Variants in MICAL3 observed in about 807,000 individuals in gnomAD.
MICAL3 encodes [F-actin]-monooxygenase MICAL3.
MICAL3 carries 62 observed loss-of-function variants against 207.4 expected under a neutral mutation model. The observed-to-expected ratio is 0.30, with a 90% CI of 0.24 to 0.37. MICAL3 has a LOEUF of 0.37. MICAL3 is among the 10% of genes least tolerant of loss of function. The pLI is 1.00. For missense variants in MICAL3, 2,368 were observed against 2,635.6 expected (o/e 0.90, Z 2.22); for synonymous variants, 1,077 against 1,069.3 (o/e 1.01, Z -0.14).
At chr22:17,823,180 G>A (rs970704956) in intron 22 of MICAL3, 120 bp from the exon 23 acceptor site, 5 of 693,776 alleles carry the variant, frequency 7.2e-6, no homozygotes, top group Middle Eastern at 2.6e-4. Flanking sequence ...CCCAGGAGAG[G>A]GGAGATGCTG....
chr22:17,814,120 G>A (rs1164291285), intron 27 of MICAL3: 1 of 152,174 alleles, frequency 6.6e-6, no homozygotes, highest in East Asian at 1.9e-4. Context: ...CCAGGATCCT[G>A]GCCTGGCAGA....
rs780657959 is a variant in MICAL3, at chr22:17,871,851, T to C, written c.2414A>G (p.Tyr805Cys). 3 of 1,607,450 alleles carry C rather than the reference T, an allele frequency of 1.9e-6. No homozygotes were observed. The highest frequency in any genetic ancestry group is 1.1e-5 in the South Asian group (1 of 89,210). ...GGGTGTCTCACCATCCTCGATGTCGTAGGCGTAGGCCGAGAGGCGCAGGGT... is the reference window on the plus strand; with the variant it reads ...GGGTGTCTCACCATCCTCGATGTCGCAGGCGTAGGCCGAGAGGCGCAGGGT... ...ATTLRLSAYA[Y>C]DIEDGKFYCK... Residue 805 changes from tyrosine to cysteine, a missense_variant, in exon 17 of 32, where the codon TAC (tyrosine) becomes TGC (cysteine). Tyr to Cys is a radical substitution (Grantham distance 194, BLOSUM62 -2). Around this residue, in one of 4 missense-constraint regions of MICAL3, gnomAD observed 1,770 missense variants for 1,863.2 expected, o/e 0.95. Transcript: ENST00000441493.
chr22:17,926,731 A>T (rs568153696), intron 1 of MICAL3, among the ~76,000 whole-genome samples: 1 of 152,314 alleles, frequency 6.6e-6, no homozygotes, highest in African/African-American at 2.4e-5. Context: ...AGGCAACTGT[A>T]CCATGCTAAG....
chr22:17,793,069 C>G lies in MICAL3; in HGVS notation c.5651-1768G>C, dbSNP rs1254674387. Among the ~76,000 whole-genome samples the G allele has an allele frequency of 2.0e-5, 3 of 152,288 alleles. No homozygotes were observed. Among genetic ancestry groups the G allele is most frequent in the Admixed American group, 2.0e-4 (3 of 15,312 alleles). On this transcript the variant is annotated intron_variant, in intron 29 of 31. Transcript: ENST00000441493. This position sits in a 1 kb window ranked among gnomAD's most constrained non-coding sequence, Gnocchi z 4.1. ...GAAAATGCCACCGGAGACGTGCGGA[C>G]AGCGCTCACTAGCTATGGAGAGCTC...
intron 1 of MICAL3, among the ~76,000 whole-genome samples, chr22:17,958,136 C>A (rs1934721418): frequency 6.6e-6 from 1 of 152,150 alleles, no homozygotes; most frequent in Non-Finnish European, 1.5e-5. Flanking sequence ...AACGTGGACC[C>A]CATTACAATT....
At chr22:17,890,332 C>T (rs1049291903) in intron 12 of MICAL3, among the ~76,000 whole-genome samples, 42 of 152,124 alleles carry the variant, frequency 2.8e-4, no homozygotes, top group African/African-American at 8.9e-4. Context: ...CCCTAACCTT[C>T]TCCAGGCGCC....
rs1259124557 is a variant in MICAL3 at position 17,790,762 on chromosome 22, C to T, written c.5979G>A (p.Leu1993=). 6.2e-7 allele frequency: 1 copy of T among 1,609,102 alleles called. No homozygotes were observed. The highest frequency in any genetic ancestry group is 1.1e-5 in the South Asian group (1 of 90,254). The change falls in exon 32 of 32, where the codon CTG becomes CTA. Residue 1993 remains leucine, a synonymous_variant. Coordinates refer to ENST00000441493, the MANE Select transcript of MICAL3 (RefSeq NM_015241.3). The part of the protein sequence containing the change: ...EEDKDLEAAM[L]SKGFSLNWS ...ACCAGTTAAGGCTGAAGCCCTTGGA[C>T]AGCATGGCAGCCTCCAGGTCCTTGT...
intron 17 of MICAL3, among the ~76,000 whole-genome samples, chr22:17,867,105 T>G (rs1304218621): frequency 6.6e-6 from 1 of 152,274 alleles, no homozygotes; most frequent in Non-Finnish European, 1.5e-5. Flanking sequence ...CCTGATGATC[T>G]GATTATATCT....
intron 1 of MICAL3, among the ~76,000 whole-genome samples, chr22:17,998,329 C>T (rs1186983813): frequency 6.6e-6 from 1 of 152,112 alleles, no homozygotes; most frequent in Non-Finnish European, 1.5e-5. Flanking sequence ...AAGAAGAACC[C>T]AATTCAAATC....
At chr22:17,880,977 C>A (rs1253602621) in intron 16 of MICAL3, among the ~76,000 whole-genome samples, 1 of 152,174 alleles carries the variant, frequency 6.6e-6, no homozygotes, top group Non-Finnish European at 1.5e-5. Context: ...GTGGGACAGT[C>A]GTGTTTCCAT....
Position 17,790,903 on chromosome 22 carries a change from A to G in MICAL3, c.5838T>C (p.Thr1946=). The part of the protein sequence containing the change: ...ERMAVEDHLK[T]EEELSEEKQI... ...GCTTCTCTTCTGACAGCTCCTCCTCAGTCTTAAGGTGATCTTGAAGGAGAA... is the reference window on the plus strand; with the variant it reads ...GCTTCTCTTCTGACAGCTCCTCCTCGGTCTTAAGGTGATCTTGAAGGAGAA... Residue 1946 remains threonine, a synonymous_variant, in exon 32 of 32, where the codon ACT becomes ACC. Transcript: ENST00000441493. The G allele has an allele frequency of 6.2e-7, 1 of 1,613,690 alleles. No homozygotes were observed. Among genetic ancestry groups the G allele is most frequent in the Non-Finnish European group, 8.5e-7 (1 of 1,179,864 alleles).
chr22:17,820,940 A>ATATT (rs1308522298), intron 25 of MICAL3, among the ~76,000 whole-genome samples: 7 of 141,564 alleles, frequency 4.9e-5, no homozygotes, highest in African/African-American at 1.9e-4. Context: ...TAATAAATTT[A>ATATT]TGTTTATAAA....
In MICAL3 at chr22:17,901,955, T is replaced by C; in HGVS notation, c.614A>G (p.His205Arg). The change falls in exon 5 of 32, where the codon CAC (histidine) becomes CGC (arginine). Residue 205 changes from histidine to arginine, a missense_variant. By Grantham distance (29) the His-to-Arg change is conservative. Coordinates refer to ENST00000441493, the MANE Select transcript of MICAL3 (RefSeq NM_015241.3). ...NERIGWRALVHPKTHPVSEYE... is the reference protein window; with the variant it reads ...NERIGWRALVRPKTHPVSEYE... ...CTCTGACACAGGATGAGTCTTGGGG[T>C]GCACCAGTGCCCGCCAGCCTATCCC... The C allele has an allele frequency of 6.2e-7, 1 of 1,613,100 alleles. No homozygotes were observed. Among genetic ancestry groups the C allele is most frequent in the South Asian group, 1.1e-5 (1 of 90,912 alleles).
At chr22:17,892,214 T>A (rs1347667623) in intron 11 of MICAL3, among the ~76,000 whole-genome samples, 1 of 152,188 alleles carries the variant, frequency 6.6e-6, no homozygotes, top group East Asian at 1.9e-4. Context: ...CGAACAGAGC[T>A]TGGCACCTTG....
chr22:17,913,185 C>T (rs971043701), intron 1 of MICAL3, among the ~76,000 whole-genome samples: 2 of 152,138 alleles, frequency 1.3e-5, no homozygotes, highest in African/African-American at 4.8e-5. Flanking sequence ...TGCCTGTCAC[C>T]CGGCTGCACT....
chr22:17,887,907 C>T (rs549922302), intron 13 of MICAL3, among the ~76,000 whole-genome samples: 5 of 152,210 alleles, frequency 3.3e-5, no homozygotes, highest in East Asian at 1.9e-4. Context: ...TGAATGGGTA[C>T]GTCGATGTTA....
Position 17,793,705 on chromosome 22 carries a change from A to AT in MICAL3, c.5651-2405dup, listed in dbSNP as rs984949595. ...CTACACCCCCTCCGAGGCAGTGGGG[A>AT]TGGGGTTGGCGAGGTTACGTTACCT... On this transcript the variant is annotated intron_variant, in intron 29 of 31. Transcript: ENST00000441493. The surrounding 1 kb of genome is among the most constrained non-coding windows in gnomAD (Gnocchi z 4.1). The AT allele has an allele frequency of 1.3e-5, 2 of 152,216 alleles. No homozygotes were observed. Among genetic ancestry groups the AT allele is most frequent in the Non-Finnish European group, 2.9e-5 (2 of 68,064 alleles). 9.4% of individuals were successfully genotyped at this position (152,216 alleles called of 1,614,324 possible). A position where few individuals can be genotyped will look rare whatever the true frequency, so the allele number is the denominator to read the frequency against.
At chr22:17,812,376 G>A in intron 27 of MICAL3, 1 of 246,338 alleles carries the variant, frequency 4.1e-6, no homozygotes, top group Non-Finnish European at 6.5e-6. Context: ...ACTGCTGCCA[G>A]TGTGTGCCAC....
At chr22:17,879,546 A>T (rs1929222212) in intron 16 of MICAL3, 1 of 618,286 alleles carries the variant, frequency 1.6e-6, no homozygotes, top group East Asian at 3.0e-5. Context: ...AGGTAACCAT[A>T]ATCCCATCTG....
Sources: allele counts gnomAD v4.1 joint callset (sites outside exome capture counted in the v4.1 genomes callset), GRCh38; gene constraint gnomAD v4.1.1; regional missense constraint gnomAD v4.1.1; non-coding constraint Gnocchi (gnomAD v3.1); transcripts MANE v1.5; gene names NCBI Gene and HGNC (gene_info 2026-07-23, HGNC 2026-07-21).